GPR20: variants seen among roughly 807,000 people sequenced by gnomAD.
The protein encoded by GPR20 is CTD-3064M3.3.
For synonymous variants in GPR20, 241 were observed against 241.9 expected (o/e 1.00, Z 0.04); for missense variants, 494 against 527.4 (o/e 0.94, Z 0.62).
chr8:141,362,404 G>A (rs960037777), intron 1 of GPR20, among the ~76,000 whole-genome samples: 12 of 152,182 alleles, frequency 7.9e-5, no homozygotes, highest in African/African-American at 2.7e-4. Flanking sequence ...GGCTGTGGGT[G>A]GGGGCTGAGC....
At chr8:141,362,784 CT>C (rs111619817) in intron 1 of GPR20, among the ~76,000 whole-genome samples, 14,332 of 146,146 alleles carry the variant, frequency 0.098, 2,140 homozygotes, top group African/African-American at 0.33. Flanking sequence ...TTCTTTCTTT[CT>C]TTTTTTTTTT....
chr8:141,357,457 T>G lies in GPR20; in HGVS notation c.467A>C (p.Glu156Ala). ...AGGCTGGCGGCAGCGGCGGGAGCCT[T>G]CGGGCCGCACGATGGCCAGGTAGCG... Reference protein sequence around the residue: ...VDRYLAIVRPEGSRRCRQPAC... With the variant: ...VDRYLAIVRPAGSRRCRQPAC... The change falls in exon 2 of 2, where the codon GAA becomes GCA. Residue 156 changes from glutamate (E) to alanine (A), a missense_variant. Transcript: ENST00000377741. The G allele has an allele frequency of 1.2e-6, 2 of 1,608,398 alleles. No individual in the cohort carries two copies. Among genetic ancestry groups the G allele is most frequent in the Non-Finnish European group, 1.7e-6 (2 of 1,178,260 alleles).
intron 1 of GPR20, among the ~76,000 whole-genome samples, chr8:141,362,713 A>T (rs1831752326): frequency 6.7e-6 from 1 of 149,682 alleles, no homozygotes; most frequent in South Asian, 2.1e-4. Context: ...CGTCCTAATC[A>T]CTCTGACCAT....
At chr8:141,358,462 G>A (rs1286836329) in intron 1 of GPR20, among the ~76,000 whole-genome samples, 1 of 152,192 alleles carries the variant, frequency 6.6e-6, no homozygotes, top group South Asian at 2.1e-4. Flanking sequence ...CTAAGCAAGC[G>A]GGTCAGCACG....
Position 141,357,281 on chromosome 8 carries a change from A to G in GPR20, c.643T>C (p.Phe215Leu). 6.5e-7 allele frequency: 1 copy of G among 1,542,586 alleles called. No homozygotes were observed. The highest frequency in any genetic ancestry group is 8.7e-7 in the Non-Finnish European group (1 of 1,148,694). ...FLLPLLVISV[F>L]TGRIMCALSR... ...AGTGCACACATGATGCGGCCGGTAA[A>G]CACGCTGATGACCAGCAGGGGCAGC... Residue 215 changes from phenylalanine (F) to leucine (L), a missense_variant, in exon 2 of 2, where the codon TTT becomes CTT. Coordinates refer to ENST00000377741, the MANE Select transcript of GPR20 (RefSeq NM_005293.3).
chr8:141,366,651 CG>C (rs1293322847), intron 1 of GPR20, among the ~76,000 whole-genome samples: 1 of 152,152 alleles, frequency 6.6e-6, no homozygotes, highest in Non-Finnish European at 1.5e-5. Flanking sequence ...GATGGCAGGA[CG>C]GGCACTCTGA....
At chr8:141,360,315 G>A (rs1831714255) in intron 1 of GPR20, among the ~76,000 whole-genome samples, 3 of 152,150 alleles carry the variant, frequency 2.0e-5, no homozygotes, top group Admixed American at 6.5e-5. Flanking sequence ...GATGAACCTC[G>A]ATCCCTGTCC....
intron 1 of GPR20, 50 bp from the exon 2 acceptor site, chr8:141,357,997 C>G: frequency 1.1e-6 from 1 of 949,542 alleles, no homozygotes; most frequent in African/African-American, 1.6e-5. Flanking sequence ...GGCCTTAAGC[C>G]CTGCCCTGAG....
In GPR20 at chr8:141,362,384, C is replaced by G. The variant is rs1162365737; in HGVS notation, c.-24-4437G>C. Among the ~76,000 whole-genome samples the G allele has an allele frequency of 3.0e-4, 45 of 151,896 alleles. 1 individual carries two copies. ...GGCTTCCCTGTTGGACTCTGAGCATCTTGAGGCGGGGCTGTGGGTGGGGGC... is the reference window on the plus strand; with the variant it reads ...GGCTTCCCTGTTGGACTCTGAGCATGTTGAGGCGGGGCTGTGGGTGGGGGC... On this transcript the variant is annotated intron_variant, in intron 1 of 1. Coordinates refer to ENST00000377741, the MANE Select transcript of GPR20 (RefSeq NM_005293.3).
rs1354614017 is a variant in GPR20, at chr8:141,356,890, G to A, written c.1034C>T (p.Pro345Leu). 6.2e-6 allele frequency: 10 copies of A among 1,609,164 alleles called. No individual in the cohort carries two copies. Among genetic ancestry groups the A allele is most frequent in the Non-Finnish European group, 8.5e-6 (10 of 1,177,500 alleles). ...SGRHHILSAG[P>L]HALTQALANG... ...AGCCAGGGCCTGGGTGAGGGCGTGA[G>A]GGCCGGCACTGAGGATGTGATGACG... Residue 345 changes from proline to leucine, a missense_variant, in exon 2 of 2, where the codon CCT becomes CTT. Pro to Leu is a moderately conservative substitution (Grantham distance 98). Transcript: ENST00000377741.
Position 141,366,045 on chromosome 8 carries a change from C to T in GPR20, c.-25+1156G>A, listed in dbSNP as rs78731019. Among the ~76,000 whole-genome samples, 803 of 152,308 alleles carry T rather than the reference C, an allele frequency of 5.3e-3. 6 individuals carry two copies. Among genetic ancestry groups the T allele is most frequent in the African/African-American group, 0.018 (768 of 41,564 alleles). ...AGAATACCCCTCTGATCTCCTTGAG[C>T]CTCAGTTTCCTCATCTATAAAGAGG... On this transcript the variant is annotated intron_variant, in intron 1 of 1. Transcript: ENST00000377741.
chr8:141,365,270 C>T (rs1831797764), intron 1 of GPR20, among the ~76,000 whole-genome samples: 1 of 152,212 alleles, frequency 6.6e-6, no homozygotes, highest in South Asian at 2.1e-4. Flanking sequence ...ATTGACTTCC[C>T]TCAAGATGCC....
At chr8:141,359,605 C>T (rs576302541) in intron 1 of GPR20, among the ~76,000 whole-genome samples, 24 of 152,364 alleles carry the variant, frequency 1.6e-4, no homozygotes, top group Admixed American at 1.5e-3. Context: ...GGCCCTGACA[C>T]GCGGGCATTG....
At chr8:141,361,322 T>A (rs1159743577) in intron 1 of GPR20, among the ~76,000 whole-genome samples, 14 of 152,152 alleles carry the variant, frequency 9.2e-5, no homozygotes, top group Non-Finnish European at 1.5e-5. Context: ...CCCAGCAGGG[T>A]AGGGACCTGG....
At position 141,357,297 on chromosome 8, in the gene GPR20, C is replaced by T; in HGVS notation, c.627G>A (p.Leu209=). The change falls in exon 2 of 2, where the codon CTG becomes CTA. Residue 209 remains leucine (L), a synonymous_variant. Coordinates refer to ENST00000377741, the MANE Select transcript of GPR20 (RefSeq NM_005293.3). Reference sequence around the variant, plus strand: ...GGCCGGTAAACACGCTGATGACCAGCAGGGGCAGCAGGAACTCCAGGACAG... The same window carrying T: ...GGCCGGTAAACACGCTGATGACCAGTAGGGGCAGCAGGAACTCCAGGACAG... ...ALTVLEFLLP[L]LVISVFTGRI... 1.3e-6 allele frequency: 2 copies of T among 1,542,538 alleles called. No individual in the cohort carries two copies. Among genetic ancestry groups the T allele is most frequent in the Non-Finnish European group, 1.7e-6 (2 of 1,148,844 alleles).
intron 1 of GPR20, among the ~76,000 whole-genome samples, chr8:141,364,388 GA>G (rs1177926936): frequency 1.3e-5 from 2 of 152,230 alleles, no homozygotes; most frequent in African/African-American, 4.8e-5. Context: ...TGCTGTTTTT[GA>G]TAAGTCTGAG....
intron 1 of GPR20, among the ~76,000 whole-genome samples, chr8:141,366,906 A>G (rs184213943): frequency 1.3e-5 from 2 of 152,338 alleles, no homozygotes; most frequent in Admixed American, 1.3e-4. Context: ...GAGTGAATGA[A>G]TGAAATCCAG....
chr8:141,363,463 C>A (rs1831769026), intron 1 of GPR20, among the ~76,000 whole-genome samples: 1 of 152,244 alleles, frequency 6.6e-6, no homozygotes, highest in Non-Finnish European at 1.5e-5. Context: ...GCTATTTGAC[C>A]CTGTCCCCTC....
chr8:141,360,877 G>A (rs534965504), intron 1 of GPR20, among the ~76,000 whole-genome samples: 33 of 152,370 alleles, frequency 2.2e-4, no homozygotes, highest in African/African-American at 7.9e-4. Flanking sequence ...GGTCACTCGT[G>A]CCTTCCACAG....
Sources: allele counts gnomAD v4.1 joint callset (sites outside exome capture counted in the v4.1 genomes callset), GRCh38; gene constraint gnomAD v4.1.1; transcripts MANE v1.5; gene names NCBI Gene and HGNC (gene_info 2026-07-23, HGNC 2026-07-21).